The following TXNDC5 variants were observed in gnomAD, a reference collection of about 807,000 sequenced individuals.
TXNDC5 encodes thioredoxin domain-containing protein 5.
Under a neutral mutation model 52.6 loss-of-function variants are expected in TXNDC5, and 44 were observed. The ratio of observed to expected loss-of-function variants is 0.84; its 90% CI spans 0.66 to 1.08. The LOEUF (loss-of-function observed/expected upper bound fraction) is 1.08. TXNDC5 is among the 50% of genes least tolerant of loss of function. TXNDC5 has a pLI of 0.00. For synonymous variants in TXNDC5, 241 were observed against 234.4 expected (o/e 1.03, Z -0.26); for missense variants, 600 against 565.5 (o/e 1.06, Z -0.62).
At chr6:7,888,346 G>A (rs540915386) in intron 7 of TXNDC5, among the ~76,000 whole-genome samples, 3 of 152,272 alleles carry the variant, frequency 2.0e-5, no homozygotes, top group South Asian at 4.1e-4. Context: ...TCAGGGCCCC[G>A]GGGCCAGCAG....
chr6:7,884,170 G>A (rs774590168), intron 9 of TXNDC5, among the ~76,000 whole-genome samples, 189 bp downstream of exon 9: 9 of 152,112 alleles, frequency 5.9e-5, no homozygotes, highest in African/African-American at 1.7e-4. Flanking sequence ...ACTACAAAGC[G>A]GGCGAAGAAG....
intron 1 of TXNDC5, among the ~76,000 whole-genome samples, chr6:7,909,242 T>C (rs951917696): frequency 1.4e-4 from 22 of 152,254 alleles, no homozygotes; most frequent in African/African-American, 5.1e-4. Flanking sequence ...CTTTTCTCTA[T>C]GCCTCCCTAC....
intron 3 of TXNDC5, among the ~76,000 whole-genome samples, chr6:7,896,991 T>C (rs1760390699): frequency 6.6e-6 from 1 of 152,192 alleles, no homozygotes; most frequent in African/African-American, 2.4e-5. Flanking sequence ...GGGAATACTA[T>C]ATTCTAAAAA....
At chr6:7,901,532 C>A (rs939519808) in intron 2 of TXNDC5, among the ~76,000 whole-genome samples, 1 of 152,156 alleles carries the variant, frequency 6.6e-6, no homozygotes, top group Admixed American at 6.5e-5. Flanking sequence ...ATCGTTCTAA[C>A]CTGCCCAGGA....
chr6:7,893,291 A>C (rs983757914), intron 4 of TXNDC5, among the ~76,000 whole-genome samples: 12 of 152,280 alleles, frequency 7.9e-5, no homozygotes, highest in Non-Finnish European at 1.5e-4. Context: ...TCATCAGCAC[A>C]GCAACAATGC....
chr6:7,886,871 G>A (rs1760000348), intron 7 of TXNDC5, among the ~76,000 whole-genome samples: 1 of 152,200 alleles, frequency 6.6e-6, no homozygotes, highest in African/African-American at 2.4e-5. Flanking sequence ...GGGGGCCACT[G>A]TGGAACACTA....
rs552584010 is a variant in TXNDC5 at position 7,894,960 on chromosome 6, C to T, written c.616+146G>A. The T allele has an allele frequency of 1.1e-5, 16 of 1,427,552 alleles. No individual in the cohort carries two copies. The East Asian group carries it at 1.5e-4, about 14-fold the overall frequency. The allele number at this position is 1,427,552 out of a possible 1,614,324, so 88.4% of individuals were successfully genotyped here. On this transcript the variant is annotated intron_variant, in intron 4 of 9. Transcript: ENST00000379757. ...GTTTTAGAGGAGGTGCACTGAACAACGGTCCCAACAGCTCCTCTAGAGTGA... is the reference window on the plus strand; with the variant it reads ...GTTTTAGAGGAGGTGCACTGAACAATGGTCCCAACAGCTCCTCTAGAGTGA...
Position 7,882,976 on chromosome 6 carries a change from T to C in TXNDC5, c.*168A>G. 2.5e-6 allele frequency: 2 copies of C among 805,978 alleles called. No individual in the cohort carries two copies. The highest frequency in any genetic ancestry group is 3.8e-6 in the Non-Finnish European group (2 of 528,814). The allele number at this position is 805,978 out of a possible 1,614,324, so 49.9% of individuals were successfully genotyped here. A position where few individuals can be genotyped will look rare whatever the true frequency, so the allele number is the denominator to read the frequency against. On this transcript the variant is annotated 3_prime_UTR_variant, in exon 10 of 10. Transcript: ENST00000379757. ...GAGAAACTTAACTTAATAAAGAATC[T>C]GTAGAGTGTGTTGGCTTGGAAAACA...
chr6:7,895,348 A>G, intron 3 of TXNDC5, 146 bp from the exon 4 acceptor site: 3 of 698,692 alleles, frequency 4.3e-6, no homozygotes, highest in Non-Finnish European at 7.1e-6. Flanking sequence ...TGCTGTGCTG[A>G]GTGAGGCCAG....
chr6:7,898,287 C>G (rs1162765883), intron 3 of TXNDC5, among the ~76,000 whole-genome samples: 1 of 152,136 alleles, frequency 6.6e-6, no homozygotes, highest in African/African-American at 2.4e-5. Context: ...AACTCTTGAC[C>G]TTGGGTGATC....
Position 7,895,992 on chromosome 6 carries a change from C to A in TXNDC5, c.520-790G>T, listed in dbSNP as rs1289089851. ...TGGGCAACAGAGTGAGACTCTTCCTCAAAAAACACACAAACAGACACGAGG... is the reference window on the plus strand; with the variant it reads ...TGGGCAACAGAGTGAGACTCTTCCTAAAAAAACACACAAACAGACACGAGG... On this transcript the variant is annotated intron_variant, in intron 3 of 9. Transcript: ENST00000379757. Among the ~76,000 whole-genome samples the A allele has an allele frequency of 2.0e-5, 3 of 152,026 alleles. No individual in the cohort carries two copies. The East Asian group carries it at 5.8e-4, about 29-fold the overall frequency.
intron 9 of TXNDC5, among the ~76,000 whole-genome samples, chr6:7,883,558 C>T (rs767597630): frequency 2.2e-4 from 33 of 152,194 alleles, no homozygotes; most frequent in Non-Finnish European, 3.1e-4. Flanking sequence ...CGATCACCTG[C>T]GGATCTGCTG....
intron 7 of TXNDC5, among the ~76,000 whole-genome samples, chr6:7,886,308 C>T (rs532566120): frequency 1.3e-5 from 2 of 152,180 alleles, no homozygotes; most frequent in South Asian, 2.1e-4. Flanking sequence ...GGACACTGTA[C>T]AGGGGATGAA....
intron 9 of TXNDC5, 32 bp from the exon 10 acceptor site, chr6:7,883,298 C>T: frequency 2.5e-6 from 4 of 1,613,388 alleles, no homozygotes; most frequent in Non-Finnish European, 3.4e-6. Flanking sequence ...GTTTGCAAAC[C>T]AGCGGTCCAG....
intron 1 of TXNDC5, 108 bp from the exon 2 acceptor site, chr6:7,904,831 C>T (rs1760683770): frequency 1.5e-6 from 2 of 1,358,028 alleles, no homozygotes; most frequent in South Asian, 1.3e-5. Flanking sequence ...CCTTTCTTTA[C>T]ACCATTGCAG....
At chr6:7,885,859 A>ATGTGC (rs1491578109) in intron 8 of TXNDC5, 102 bp downstream of exon 8, 1 of 997,698 alleles carries the variant, frequency 1.0e-6, no homozygotes. Flanking sequence ...TAAATGTAAC[A>ATGTGC]TGTGCCCAAC....
In TXNDC5 at chr6:7,881,797, A is replaced by G. The variant is rs1759751262; in HGVS notation, c.*1347T>C. 1 of 152,232 alleles carries G rather than the reference A, an allele frequency of 6.6e-6. No homozygotes were observed. Among genetic ancestry groups the G allele is most frequent in the Non-Finnish European group, 1.5e-5 (1 of 68,042 alleles). 9.4% of individuals were successfully genotyped at this position (152,232 alleles called of 1,614,324 possible). On this transcript the variant is annotated 3_prime_UTR_variant, in exon 10 of 10. Coordinates refer to ENST00000379757, the MANE Select transcript of TXNDC5 (RefSeq NM_030810.5). ...CAGTATAAGTGGTCTTGTTTCTAAG[A>G]TTCCTACCACCAGTTACTTTGGGCC...
In TXNDC5 at chr6:7,910,668, G is replaced by A. The variant is rs989806819; in HGVS notation, c.109C>T (p.Arg37Trp). The part of the protein sequence containing the change: ...GHGGGGRWGA[R>W]AQEAAAAAAD... ...GCCGCCGCCGCCGCCTCCTGGGCCCGGGCGCCCCAGCGCCCGCCGCCGCCA... is the reference window on the plus strand; with the variant it reads ...GCCGCCGCCGCCGCCTCCTGGGCCCAGGCGCCCCAGCGCCCGCCGCCGCCA... The change falls in exon 1 of 10, where the codon CGG becomes TGG. Residue 37 changes from arginine to tryptophan, a missense_variant. Physicochemically the swap from Arg to Trp is moderately radical, Grantham distance 101 (BLOSUM62 -3). Transcript: ENST00000379757. The A allele has an allele frequency of 2.5e-6, 3 of 1,188,202 alleles. No homozygotes were observed. Among genetic ancestry groups the A allele is most frequent in the Non-Finnish European group, 1.0e-6 (1 of 952,522 alleles). The allele number at this position is 1,188,202 out of a possible 1,614,324, so 73.6% of individuals were successfully genotyped here.
chr6:7,881,678 AAAG>A lies in TXNDC5; in HGVS notation c.*1463_*1465del, dbSNP rs1468843645. 1 of 151,680 alleles carries A rather than the reference AAAG, an allele frequency of 6.6e-6. No homozygotes were observed. The highest frequency in any genetic ancestry group is 1.9e-4 in the East Asian group (1 of 5,192). 9.4% of individuals were successfully genotyped at this position (151,680 alleles called of 1,614,324 possible). Reference sequence around the variant, plus strand: ...TCTAGGAGGTTGGGTTTTTTTAAAAAAAGAATTATCTGTGAACCATACGTGATT... The same window carrying A: ...TCTAGGAGGTTGGGTTTTTTTAAAAAAATTATCTGTGAACCATACGTGATT... On this transcript the variant is annotated 3_prime_UTR_variant, in exon 10 of 10. Transcript: ENST00000379757.
Sources: allele counts gnomAD v4.1 joint callset (sites outside exome capture counted in the v4.1 genomes callset), GRCh38; gene constraint gnomAD v4.1.1; transcripts MANE v1.5; gene names NCBI Gene and HGNC (gene_info 2026-07-23, HGNC 2026-07-21).